The following PITPNC1 variants were observed in gnomAD, a reference collection of about 807,000 sequenced individuals.
PITPNC1 encodes the protein phosphatidylinositol transfer protein cytoplasmic 1.
In PITPNC1, 18 loss-of-function variants were observed where a neutral mutation model predicts 44.7. The ratio of observed to expected loss-of-function variants is 0.40; its 90% CI spans 0.28 to 0.60. The LOEUF is 0.60. Among genes scored for constraint, PITPNC1 ranks in the 20% least tolerant of loss-of-function variants. The pLI is 0.39. For missense variants in PITPNC1, 290 were observed against 418.4 expected (o/e 0.69, Z 2.68); for synonymous variants, 141 against 149.6 (o/e 0.94, Z 0.42).
At chr17:67,409,210 GAGT>G (rs2038454042) in intron 1 of PITPNC1, among the ~76,000 whole-genome samples, 1 of 147,218 alleles carries the variant, frequency 6.8e-6, no homozygotes, top group Non-Finnish European at 1.5e-5. Context: ...TCAGCCTCCC[GAGT>G]AGCTGGGACT....
intron 4 of PITPNC1, among the ~76,000 whole-genome samples, chr17:67,565,103 T>G (rs1366395126): frequency 6.6e-5 from 10 of 152,338 alleles, no homozygotes; most frequent in African/African-American, 2.2e-4. Context: ...GTTTCCCATG[T>G]TTTTCAGTGT....
rs550988346 is a variant in PITPNC1 at position 67,560,109 on chromosome 17, C to T, written c.294+6492C>T. ...TTATAATTATAGGACTTCTCAGAGCCTTTCTTATTCTAATGTACATTGTGA... is the reference window on the plus strand; with the variant it reads ...TTATAATTATAGGACTTCTCAGAGCTTTTCTTATTCTAATGTACATTGTGA... On this transcript the variant is annotated intron_variant, in intron 4 of 8. Transcript: ENST00000581322. Among the ~76,000 whole-genome samples, 12 of 152,244 alleles carry T rather than the reference C, an allele frequency of 7.9e-5. No homozygotes were observed. The South Asian group carries it at 2.1e-3, about 26-fold the overall frequency.
At chr17:67,592,009 A>T (rs1568056037) in intron 5 of PITPNC1, among the ~76,000 whole-genome samples, 1 of 151,000 alleles carries the variant, frequency 6.6e-6, no homozygotes, top group Non-Finnish European at 1.5e-5. Context: ...CACCACACCC[A>T]GCGCAATGAT....
chr17:67,586,202 A>G lies in PITPNC1; in HGVS notation c.366+7945A>G, dbSNP rs145667110. On this transcript the variant is annotated intron_variant, in intron 5 of 8. Coordinates refer to ENST00000581322, the MANE Select transcript of PITPNC1 (RefSeq NM_012417.4). ...CATGGCAGAGTGTGGATTTCAGTGC[A>G]GTGGGAACTTATTCAAGGATTTTAA... Among the ~76,000 whole-genome samples the G allele has an allele frequency of 1.4e-4, 22 of 152,216 alleles. No homozygotes were observed. In the East Asian group the frequency reaches 3.9e-3, roughly 27 times the overall value.
At chr17:67,577,896 C>G (rs1056717235) in intron 4 of PITPNC1, among the ~76,000 whole-genome samples, 2 of 152,094 alleles carry the variant, frequency 1.3e-5, no homozygotes, top group African/African-American at 4.8e-5. Context: ...TTTTCTAAAG[C>G]TTATGCTAGG....
At chr17:67,545,551 G>A (rs1322478289) in intron 2 of PITPNC1, among the ~76,000 whole-genome samples, 2 of 148,282 alleles carry the variant, frequency 1.3e-5, no homozygotes, top group African/African-American at 4.9e-5. Flanking sequence ...ATTCCAGCCT[G>A]GGTGACAGAG....
intron 2 of PITPNC1, 61 bp downstream of exon 2, chr17:67,533,011 A>T: frequency 7.3e-7 from 1 of 1,378,522 alleles, no homozygotes; most frequent in Non-Finnish European, 1.0e-6. Context: ...CCATGGTGTG[A>T]CAGTGGAGGC....
intron 1 of PITPNC1, among the ~76,000 whole-genome samples, chr17:67,391,573 T>C (rs1016901335): frequency 1.3e-5 from 2 of 152,100 alleles, no homozygotes. Flanking sequence ...CTCCGCCTCC[T>C]GGGTTCAAGT....
intron 1 of PITPNC1, among the ~76,000 whole-genome samples, chr17:67,517,386 CAT>C (rs747122514): frequency 3.9e-5 from 6 of 152,198 alleles, no homozygotes; most frequent in Non-Finnish European, 7.3e-5. Flanking sequence ...AATGGTCAAA[CAT>C]GTTGTTACCA....
chr17:67,379,739 C>A (rs550134456), intron 1 of PITPNC1, among the ~76,000 whole-genome samples: 1 of 152,132 alleles, frequency 6.6e-6, no homozygotes, highest in Non-Finnish European at 1.5e-5. Context: ...TAGAGTAATT[C>A]AGCTGGGAGG....
intron 1 of PITPNC1, among the ~76,000 whole-genome samples, chr17:67,429,843 G>A (rs972421025): frequency 3.9e-5 from 6 of 152,076 alleles, no homozygotes; most frequent in Admixed American, 6.6e-5. Context: ...GAATATTTTA[G>A]CATTAAATAT....
At chr17:67,606,030 C>T (rs2041603239) in intron 5 of PITPNC1, among the ~76,000 whole-genome samples, 2 of 152,148 alleles carry the variant, frequency 1.3e-5, no homozygotes, top group Admixed American at 1.3e-4. Context: ...TTTCTCTCTC[C>T]ACACTCCACC....
intron 5 of PITPNC1, among the ~76,000 whole-genome samples, chr17:67,594,760 G>T (rs910801632): frequency 1.3e-5 from 2 of 152,174 alleles, no homozygotes; most frequent in Non-Finnish European, 2.9e-5. Flanking sequence ...GTCAAACCAG[G>T]TGTCTTTGAA....
intron 5 of PITPNC1, among the ~76,000 whole-genome samples, chr17:67,595,378 G>A (rs191544968): frequency 6.6e-6 from 1 of 151,898 alleles, no homozygotes; most frequent in African/African-American, 2.4e-5. Flanking sequence ...TTATAAAATG[G>A]ATTTCTTACT....
rs1238570016 is a variant in PITPNC1, at chr17:67,599,013, T to C, written c.366+20756T>C. 3.6e-3 allele frequency among the ~76,000 whole-genome samples: 77 copies of C among 21,596 alleles called. 5 individuals carry two copies. Among genetic ancestry groups the C allele is most frequent in the Non-Finnish European group, 8.9e-3 (65 of 7,282 alleles). 14.2% of individuals were successfully genotyped at this position (21,596 alleles called of 152,430 possible). ...ACTATAAGAAATACATATATATATA[T>C]ATATATATATATATATATATATTTT... On this transcript the variant is annotated intron_variant, in intron 5 of 8. Transcript: ENST00000581322.
intron 1 of PITPNC1, among the ~76,000 whole-genome samples, chr17:67,447,563 C>CATT (rs1173031250): frequency 6.6e-6 from 1 of 151,846 alleles, no homozygotes; most frequent in Non-Finnish European, 1.5e-5. Context: ...GCAGGGGTCT[C>CATT]ACCATCTTGC....
intron 6 of PITPNC1, among the ~76,000 whole-genome samples, chr17:67,662,047 C>T (rs1158238165): frequency 1.3e-5 from 2 of 151,576 alleles, no homozygotes; most frequent in Non-Finnish European, 2.9e-5. Context: ...TCAGCAAACC[C>T]AGAGCCAGTA....
intron 4 of PITPNC1, among the ~76,000 whole-genome samples, chr17:67,577,323 G>A (rs12948828): frequency 0.026 from 3,989 of 150,594 alleles, 84 homozygotes; most frequent in Middle Eastern, 0.047. Flanking sequence ...CCGGGCGCCT[G>A]TAATCTGTAA....
At chr17:67,503,808 A>T (rs1310841119) in intron 1 of PITPNC1, among the ~76,000 whole-genome samples, 2 of 152,190 alleles carry the variant, frequency 1.3e-5, no homozygotes, top group Non-Finnish European at 2.9e-5. Context: ...TTGTGACAAA[A>T]TTCTGTCCAG....
Sources: gnomAD v4.1 joint callset for allele counts (sites outside exome capture counted in the v4.1 genomes callset) on GRCh38, gnomAD v4.1.1 for gene constraint, MANE v1.5 for transcripts, NCBI Gene and HGNC (gene_info 2026-07-23, HGNC 2026-07-21) for gene names.